GLRA2: variants seen among roughly 807,000 people sequenced by gnomAD.
GLRA2 encodes the protein glycine receptor subunit alpha-2.
Under a neutral mutation model 31.6 loss-of-function variants are expected in GLRA2, and 11 were observed. The ratio of observed to expected loss-of-function variants is 0.35; its 90% CI spans 0.22 to 0.58. The LOEUF (loss-of-function observed/expected upper bound fraction) is 0.58, where lower values mean the gene tolerates loss of function less well. Among genes scored for constraint, GLRA2 ranks in the 20% least tolerant of loss-of-function variants. The pLI, the probability that GLRA2 is intolerant of heterozygous loss-of-function variation, is 0.84. For missense variants in GLRA2, 212 were observed against 351.8 expected, an observed-to-expected ratio of 0.60 and a Z score of 3.18; for synonymous variants, 132 against 134.0, an observed-to-expected ratio of 0.99 and a Z score of 0.10.
intron 5 of GLRA2, 73 bp from the exon 6 acceptor site, chrX:14,607,058 T>G (rs2090341831): frequency 6.7e-6 from 5 of 742,970 alleles, no homozygotes; most frequent in East Asian, 6.4e-5. Context: ...TTTGTTTGTT[T>G]CTTTACATGG....
chrX:14,573,013 A>G (rs1296483254), intron 2 of GLRA2, among the ~76,000 whole-genome samples: 1 of 112,198 alleles, frequency 8.9e-6, no homozygotes, highest in African/African-American at 3.2e-5. Context: ...TTCAAGGGTC[A>G]CAGAACTCAG....
At chrX:14,453,619 A>G in the GLRA2 span, among the ~76,000 whole-genome samples, 1 of 112,206 alleles carries the variant, frequency 8.9e-6, no homozygotes, top group Non-Finnish European at 1.9e-5. Flanking sequence ...TCAGGAAAAC[A>G]GTTTGGCAGC....
At chrX:14,690,487 G>A (rs1370145478) in intron 7 of GLRA2, among the ~76,000 whole-genome samples, 1 of 111,693 alleles carries the variant, frequency 9.0e-6, no homozygotes, top group Non-Finnish European at 1.9e-5. Context: ...TAAAGCTACT[G>A]GTTCAGGGGC....
upstream of GLRA2, among the ~76,000 whole-genome samples, chrX:14,525,594 A>G (rs1169587995): frequency 9.0e-6 from 1 of 111,637 alleles, no homozygotes; most frequent in Admixed American, 9.6e-5. Context: ...AATTTTATAT[A>G]TTATGAGAAT....
At chrX:14,685,081 T>A (rs965322474) in intron 7 of GLRA2, among the ~76,000 whole-genome samples, 1 of 111,870 alleles carries the variant, frequency 8.9e-6, no homozygotes, top group Non-Finnish European at 1.9e-5. Context: ...AATCATGTGG[T>A]TTTTGTCTTT....
At chrX:14,729,351 C>G (rs758455427) in intron 8 of GLRA2, among the ~76,000 whole-genome samples, 1 of 110,893 alleles carries the variant, frequency 9.0e-6, no homozygotes, top group Admixed American at 9.6e-5. Flanking sequence ...CTTTTCAACC[C>G]CACCTTTTCA....
intron 2 of GLRA2, among the ~76,000 whole-genome samples, chrX:14,566,884 C>T (rs749384885): frequency 1.8e-5 from 2 of 111,798 alleles, no homozygotes; most frequent in South Asian, 7.6e-4. Context: ...AGCATTGGCC[C>T]ATGGGTCCCT....
rs192090361 is a variant in GLRA2 at position 14,609,497 on chromosome X, C to T, written c.930+292C>T. On this transcript the variant is annotated intron_variant, in intron 7 of 8. Transcript: ENST00000218075. ...GGAAGCCCTTGAGTGCTTTTGATCT[C>T]GGTTGTTTATAAGACATGAAGCTTG... 2.4e-4 allele frequency among the ~76,000 whole-genome samples: 27 copies of T among 110,608 alleles called. 1 individual carries two copies. The highest frequency in any genetic ancestry group is 1.1e-4 in the Non-Finnish European group (6 of 52,797).
intron 8 of GLRA2, among the ~76,000 whole-genome samples, chrX:14,716,507 G>C (rs754457751): frequency 1.8e-5 from 2 of 111,915 alleles, no homozygotes; most frequent in South Asian, 7.5e-4. Context: ...TTGGTAAAGA[G>C]AGAGTTATCT....
intron 8 of GLRA2, among the ~76,000 whole-genome samples, chrX:14,729,480 A>G (rs1388311922): frequency 1.8e-5 from 2 of 111,952 alleles, no homozygotes; most frequent in Non-Finnish European, 3.8e-5. Context: ...ACTTTTATCT[A>G]ATTTATGTAG....
rs370509214 is a variant in GLRA2, at chrX:14,672,217, CTTACT to C, written c.931-18489_931-18485del. The stretch of plus-strand genomic sequence containing the variant: ...CTCTAACACAGCCTTGCTGCTTTCT[CTTACT>C]TTAGATAGTCATACTGGATTGATTT... On this transcript the variant is annotated intron_variant, in intron 7 of 8. Coordinates refer to ENST00000218075, the MANE Select transcript of GLRA2 (RefSeq NM_002063.4). 6.8e-4 allele frequency among the ~76,000 whole-genome samples: 76 copies of C among 112,322 alleles called. 1 individual carries two copies. In the South Asian group the frequency reaches 0.022, roughly 33 times the overall value.
Position 14,634,419 on chromosome X carries a change from A to T in GLRA2, c.930+25214A>T, listed in dbSNP as rs189615697. On this transcript the variant is annotated intron_variant, in intron 7 of 8. Coordinates refer to ENST00000218075, the MANE Select transcript of GLRA2 (RefSeq NM_002063.4). Reference sequence around the variant, plus strand: ...TGTAATAGAAAAATAAGGAAAATGTAAGGTCTTTGGATAAACCAAGGCAGA... The same window carrying T: ...TGTAATAGAAAAATAAGGAAAATGTTAGGTCTTTGGATAAACCAAGGCAGA... Among the ~76,000 whole-genome samples, 112 of 112,201 alleles carry T rather than the reference A, an allele frequency of 1.0e-3. 1 individual carries two copies. Among genetic ancestry groups the T allele is most frequent in the African/African-American group, 3.3e-3 (103 of 30,913 alleles).
At chrX:14,484,768 G>C in the GLRA2 span, among the ~76,000 whole-genome samples, 8 of 111,577 alleles carry the variant, frequency 7.2e-5, no homozygotes. Flanking sequence ...ATCTCTGAAG[G>C]GCACATAGTT....
At chrX:14,499,921 G>A in the GLRA2 span, among the ~76,000 whole-genome samples, 4 of 111,050 alleles carry the variant, frequency 3.6e-5, no homozygotes, top group African/African-American at 1.3e-4. Context: ...GATTATTTGT[G>A]GATTTTTTCT....
intron 2 of GLRA2, among the ~76,000 whole-genome samples, chrX:14,555,902 T>C (rs182373224): frequency 1.9e-4 from 21 of 111,835 alleles, no homozygotes; most frequent in Non-Finnish European, 3.6e-4. Flanking sequence ...CTCAGTACTA[T>C]ATTAAGTGCC....
the GLRA2 span, among the ~76,000 whole-genome samples, chrX:14,450,975 C>T: frequency 8.1e-3 from 902 of 111,333 alleles, 3 homozygotes; most frequent in Non-Finnish European, 0.012. Context: ...GCTAGGATTA[C>T]AGGTGTGAGC....
At chrX:14,620,070 T>C (rs1048305764) in intron 7 of GLRA2, among the ~76,000 whole-genome samples, 1 of 109,786 alleles carries the variant, frequency 9.1e-6, no homozygotes, top group African/African-American at 3.3e-5. Flanking sequence ...TATTCTAATA[T>C]AATAACATTT....
At chrX:14,591,560 G>C (rs1405525857) in intron 4 of GLRA2, among the ~76,000 whole-genome samples, 1 of 111,939 alleles carries the variant, frequency 8.9e-6, no homozygotes, top group Non-Finnish European at 1.9e-5. Context: ...TATTCTAGCC[G>C]TGCTGGCAGC....
chrX:14,689,064 G>A (rs2147181424), intron 7 of GLRA2, among the ~76,000 whole-genome samples: 1 of 112,137 alleles, frequency 8.9e-6, no homozygotes, highest in African/African-American at 3.2e-5. Context: ...GGCAGAGAGA[G>A]GTTAAATAAC....
Sources: gnomAD v4.1 joint callset for allele counts (sites outside exome capture counted in the v4.1 genomes callset) on GRCh38, gnomAD v4.1.1 for gene constraint, MANE v1.5 for transcripts, NCBI Gene and HGNC (gene_info 2026-07-23, HGNC 2026-07-21) for gene names.